The following FTO variants were observed in gnomAD, a reference collection of about 807,000 sequenced individuals.
FTO encodes alpha-ketoglutarate-dependent dioxygenase FTO.
In FTO, 47 loss-of-function variants were observed where a neutral mutation model predicts 63.9. That is an observed-to-expected ratio of 0.74 (90% CI 0.58 to 0.94). The LOEUF is 0.94. Ranked by LOEUF, FTO falls within the 40% of genes least tolerant of loss-of-function variation. FTO has a pLI of 0.00. For missense variants in FTO, 562 were observed against 618.1 expected (o/e 0.91, Z 0.96); for synonymous variants, 207 against 224.4 (o/e 0.92, Z 0.69).
At chr16:53,806,568 C>T (rs1041851850) in intron 1 of FTO, among the ~76,000 whole-genome samples, 1 of 152,132 alleles carries the variant, frequency 6.6e-6, no homozygotes, top group Non-Finnish European at 1.5e-5. Context: ...TTTACTGTTG[C>T]TTTATACTTC....
Position 54,086,745 on chromosome 16 carries a change from T to C in FTO, c.1365-25017T>C, listed in dbSNP as rs117049273. 1.7e-3 allele frequency among the ~76,000 whole-genome samples: 260 copies of C among 152,358 alleles called. 1 individual carries two copies. The highest frequency in any genetic ancestry group is 3.2e-3 in the Non-Finnish European group (216 of 68,032). On this transcript the variant is annotated intron_variant, in intron 8 of 8. Coordinates refer to ENST00000471389, the MANE Select transcript of FTO (RefSeq NM_001080432.3). The stretch of plus-strand genomic sequence containing the variant: ...TTTCTGTCTCTCTTCAATTTAGAGC[T>C]TGTTGTCTTCTTTCTTACAGTAATT...
At chr16:53,893,971 G>GAAAC (rs2081217454) in intron 7 of FTO, among the ~76,000 whole-genome samples, 2 of 152,268 alleles carry the variant, frequency 1.3e-5, no homozygotes, top group African/African-American at 4.8e-5. Flanking sequence ...TATCCGTTTG[G>GAAAC]AAACAGTGTA....
intron 8 of FTO, among the ~76,000 whole-genome samples, chr16:54,061,448 T>A (rs1410192902): frequency 1.3e-5 from 2 of 152,216 alleles, no homozygotes; most frequent in African/African-American, 4.8e-5. Context: ...TATTTTGCCA[T>A]CTGACTTCAT....
At chr16:53,804,810 T>C (rs544562538) in intron 1 of FTO, among the ~76,000 whole-genome samples, 10 of 152,124 alleles carry the variant, frequency 6.6e-5, no homozygotes, top group Admixed American at 6.5e-4. Context: ...GAGACGGGGT[T>C]CCCTTTGATG....
At chr16:53,847,427 G>A (rs1366883699) in intron 4 of FTO, among the ~76,000 whole-genome samples, 3 of 152,158 alleles carry the variant, frequency 2.0e-5, no homozygotes, top group Non-Finnish European at 4.4e-5. Flanking sequence ...TATTCTGTTT[G>A]TTTCTTTTCT....
intron 1 of FTO, among the ~76,000 whole-genome samples, chr16:53,720,717 C>A (rs947734583): frequency 7.4e-5 from 11 of 148,772 alleles, no homozygotes; most frequent in Admixed American, 3.4e-4. Context: ...TAGCACAGAA[C>A]TTTGTTGACA....
chr16:53,777,167 C>A (rs1295590875), intron 1 of FTO, among the ~76,000 whole-genome samples: 4 of 152,218 alleles, frequency 2.6e-5, no homozygotes, highest in Admixed American at 2.6e-4. Context: ...CTTAGGTCTC[C>A]TGTCAAACTG....
rs530156263 is a variant in FTO at position 53,792,046 on chromosome 16, C to A, written c.46-18094C>A. ...AGCCGAGATTGCGCCACTGCACTCC[C>A]GCCTGGGCCACAGAGCGAGACTTCG... On this transcript the variant is annotated intron_variant, in intron 1 of 8. Transcript: ENST00000471389. 2.9e-3 allele frequency among the ~76,000 whole-genome samples: 433 copies of A among 150,278 alleles called. 2 individuals are homozygous for A. Among genetic ancestry groups the A allele is most frequent in the Non-Finnish European group, 5.1e-3 (345 of 67,644 alleles).
chr16:54,052,108 A>G (rs1465254168), intron 8 of FTO, among the ~76,000 whole-genome samples: 1 of 152,158 alleles, frequency 6.6e-6, no homozygotes, highest in Non-Finnish European at 1.5e-5. Context: ...AAGATGGATC[A>G]TTCGTGTCTT....
intron 1 of FTO, among the ~76,000 whole-genome samples, chr16:53,770,947 G>T (rs2077319487): frequency 6.6e-6 from 1 of 152,006 alleles, no homozygotes; most frequent in African/African-American, 2.4e-5. Context: ...ATGGATTTTT[G>T]TTCTTCTATT....
chr16:53,705,609 C>T (rs535431882), intron 1 of FTO, among the ~76,000 whole-genome samples: 1 of 152,320 alleles, frequency 6.6e-6, no homozygotes, highest in South Asian at 2.1e-4. Flanking sequence ...AAAATCTGCT[C>T]TATATTGACC....
At chr16:53,726,158 G>A (rs566992477) in intron 1 of FTO, among the ~76,000 whole-genome samples, 110 of 129,868 alleles carry the variant, frequency 8.5e-4, no homozygotes, top group African/African-American at 3.0e-3. Context: ...ATCATTTGTG[G>A]ACTACGATTT....
intron 8 of FTO, among the ~76,000 whole-genome samples, chr16:54,054,888 A>G (rs1019257570): frequency 2.0e-5 from 3 of 152,226 alleles, no homozygotes; most frequent in Admixed American, 1.3e-4. Flanking sequence ...TCTCTTGCGA[A>G]GTAAAATAAG....
chr16:54,027,199 C>A (rs1808337022), intron 8 of FTO, among the ~76,000 whole-genome samples: 1 of 152,172 alleles, frequency 6.6e-6, no homozygotes, highest in Non-Finnish European at 1.5e-5. Flanking sequence ...ATGATACCAT[C>A]TAAAATTACA....
chr16:54,100,294 A>G (rs376839422), intron 8 of FTO, among the ~76,000 whole-genome samples: 2 of 152,342 alleles, frequency 1.3e-5, no homozygotes. Flanking sequence ...TTTTGAGGAC[A>G]AACATTTTAA....
At chr16:53,885,664 G>GAT (rs1183608255) in intron 6 of FTO, among the ~76,000 whole-genome samples, 1 of 152,222 alleles carries the variant, frequency 6.6e-6, no homozygotes, top group African/African-American at 2.4e-5. Context: ...GTGCCTAACA[G>GAT]ATAGTAGGCA....
At position 53,924,991 on chromosome 16, in the gene FTO, A is replaced by G. The variant is rs117640503; in HGVS notation, c.1240-8994A>G. On this transcript the variant is annotated intron_variant, in intron 7 of 8. Coordinates refer to ENST00000471389, the MANE Select transcript of FTO (RefSeq NM_001080432.3). ...CTAAATGAAGGAAGACCTGAGATCG[A>G]CCTTTCTTTGATGGGACTAAGGCTA... Among the ~76,000 whole-genome samples the G allele has an allele frequency of 6.0e-5, 9 of 150,880 alleles. No individual in the cohort carries two copies. In the East Asian group the frequency reaches 1.8e-3, roughly 30 times the overall value.
chr16:54,060,065 T>A (rs1213409165), intron 8 of FTO, among the ~76,000 whole-genome samples: 1 of 152,224 alleles, frequency 6.6e-6, no homozygotes, highest in Non-Finnish European at 1.5e-5. Flanking sequence ...TAAAACAGAC[T>A]TCCTTTTCAT....
chr16:54,052,895 T>G (rs1263289196), intron 8 of FTO, among the ~76,000 whole-genome samples: 2 of 152,090 alleles, frequency 1.3e-5, no homozygotes, highest in African/African-American at 2.4e-5. Context: ...AGAGACAGGG[T>G]TTCACCCTGT....
Sources: allele counts gnomAD v4.1 joint callset (sites outside exome capture counted in the v4.1 genomes callset), GRCh38; gene constraint gnomAD v4.1.1; transcripts MANE v1.5; gene names NCBI Gene and HGNC (gene_info 2026-07-23, HGNC 2026-07-21).